Variants in DGKB observed in about 807,000 individuals in gnomAD.
DGKB encodes diacylglycerol kinase beta, also known as 90 kDa diacylglycerol kinase.
DGKB carries 67 observed loss-of-function variants against 114.3 expected under a neutral mutation model. The observed-to-expected ratio is 0.59, with a 90% CI of 0.48 to 0.72. The LOEUF is 0.72. Among genes scored for constraint, DGKB ranks in the 30% least tolerant of loss-of-function variants. The probability of loss-of-function intolerance (pLI) is 0.00; values close to 1 mark genes in which losing one functional copy is unlikely to be tolerated. For synonymous variants in DGKB, 398 were observed against 323.1 expected, an observed-to-expected ratio of 1.23 and a Z score of -2.49; for missense variants, 907 against 975.2, an observed-to-expected ratio of 0.93 and a Z score of 0.93.
chr7:14,666,557 G>T (rs1424507673), intron 13 of DGKB, among the ~76,000 whole-genome samples: 4 of 151,996 alleles, frequency 2.6e-5, no homozygotes, highest in Non-Finnish European at 5.9e-5. Context: ...TCTATTAAAG[G>T]CAGAACATCT....
chr7:14,676,965 C>G (rs1819974300), intron 12 of DGKB, among the ~76,000 whole-genome samples: 1 of 151,474 alleles, frequency 6.6e-6, no homozygotes, highest in Non-Finnish European at 1.5e-5. Flanking sequence ...CAGAAATTCC[C>G]ATTCATGTTA....
chr7:14,604,443 T>A (rs369377797), intron 17 of DGKB, among the ~76,000 whole-genome samples: 15 of 151,962 alleles, frequency 9.9e-5, no homozygotes, highest in Admixed American at 7.2e-4. Context: ...TCTGGTGTGG[T>A]AAAGAGGAAA....
At chr7:14,336,001 C>T (rs570075955) in intron 23 of DGKB, among the ~76,000 whole-genome samples, 1 of 152,238 alleles carries the variant, frequency 6.6e-6, no homozygotes, top group East Asian at 1.9e-4. Context: ...GCCTTGGCCT[C>T]CCAAAGTGTG....
At chr7:14,198,258 G>A (rs777306326) in intron 23 of DGKB, among the ~76,000 whole-genome samples, 1 of 152,070 alleles carries the variant, frequency 6.6e-6, no homozygotes, top group Non-Finnish European at 1.5e-5. Context: ...AAACTAAGGT[G>A]AGAAGAAAAA....
chr7:14,559,608 T>A (rs142644097), intron 20 of DGKB, among the ~76,000 whole-genome samples: 1 of 152,348 alleles, frequency 6.6e-6, no homozygotes, highest in African/African-American at 2.4e-5. Context: ...AAAACTCAAC[T>A]ACTATTGTCA....
At chr7:14,258,388 G>A (rs1411675598) in intron 23 of DGKB, among the ~76,000 whole-genome samples, 1 of 152,096 alleles carries the variant, frequency 6.6e-6, no homozygotes, top group East Asian at 1.9e-4. Context: ...TAAATAGTCT[G>A]GATTAAACAC....
chr7:14,686,111 A>C (rs751659250), intron 9 of DGKB, among the ~76,000 whole-genome samples: 35 of 152,250 alleles, frequency 2.3e-4, no homozygotes, highest in Non-Finnish European at 4.7e-4. Flanking sequence ...ATTTATAACA[A>C]TCACTATGGT....
intron 23 of DGKB, among the ~76,000 whole-genome samples, chr7:14,248,457 A>G (rs115979386): frequency 0.018 from 2,764 of 152,188 alleles, 74 homozygotes; most frequent in African/African-American, 0.063. Context: ...TGGACATTTT[A>G]ACAATATTAA....
intron 21 of DGKB, among the ~76,000 whole-genome samples, chr7:14,460,430 A>G (rs1000890727): frequency 7.7e-6 from 1 of 129,650 alleles, no homozygotes; most frequent in Admixed American, 7.5e-5. Flanking sequence ...GAAAGCAAAG[A>G]AAAAAAAAAC....
intron 15 of DGKB, among the ~76,000 whole-genome samples, chr7:14,614,929 T>G (rs1806242447): frequency 6.6e-6 from 1 of 152,102 alleles, no homozygotes; most frequent in Admixed American, 6.6e-5. Flanking sequence ...TGCAATCAAT[T>G]AATGTACATA....
At chr7:14,756,808 T>C (rs1326589699) in intron 3 of DGKB, among the ~76,000 whole-genome samples, 1 of 151,962 alleles carries the variant, frequency 6.6e-6, no homozygotes, top group East Asian at 1.9e-4. Flanking sequence ...TCTATCTAGT[T>C]AATACATCCT....
intron 21 of DGKB, among the ~76,000 whole-genome samples, chr7:14,447,650 G>A (rs1830908452): frequency 6.6e-6 from 1 of 151,946 alleles, no homozygotes; most frequent in Non-Finnish European, 1.5e-5. Flanking sequence ...CATCCTAAAA[G>A]TAGAGCTAGG....
chr7:14,460,429 G>GAAA (rs530874828), intron 21 of DGKB, among the ~76,000 whole-genome samples: 1 of 143,304 alleles, frequency 7.0e-6, no homozygotes, highest in African/African-American at 2.6e-5. Flanking sequence ...GGAAAGCAAA[G>GAAA]AAAAAAAAAA....
At chr7:14,719,458 T>C (rs1276100880) in intron 5 of DGKB, among the ~76,000 whole-genome samples, 2 of 55,096 alleles carry the variant, frequency 3.6e-5, no homozygotes, top group African/African-American at 8.1e-5. Flanking sequence ...TGAAGTCAGA[T>C]TGTGTGTATC....
At chr7:14,827,987 G>A (rs752882160) in intron 2 of DGKB, among the ~76,000 whole-genome samples, 1 of 152,076 alleles carries the variant, frequency 6.6e-6, no homozygotes, top group Non-Finnish European at 1.5e-5. Flanking sequence ...GGAAAATCTG[G>A]AGAAACTTGG....
At chr7:14,922,548 CA>C (rs1482183100) in intron 1 of DGKB, among the ~76,000 whole-genome samples, 1 of 151,786 alleles carries the variant, frequency 6.6e-6, no homozygotes, top group Non-Finnish European at 1.5e-5. Flanking sequence ...GAATTCTTTA[CA>C]AAAATGATAT....
At chr7:14,646,903 A>G (rs546889235) in intron 13 of DGKB, among the ~76,000 whole-genome samples, 1 of 152,042 alleles carries the variant, frequency 6.6e-6, no homozygotes, top group South Asian at 2.1e-4. Context: ...ACCTAACAAT[A>G]CACCTCAAGA....
intron 21 of DGKB, among the ~76,000 whole-genome samples, chr7:14,370,552 C>A (rs545196251): frequency 6.6e-6 from 1 of 152,066 alleles, no homozygotes; most frequent in African/African-American, 2.4e-5. Flanking sequence ...TCTTCCTATC[C>A]GTGAGCATGG....
At chr7:14,624,994 T>C (rs1808321948) in intron 14 of DGKB, among the ~76,000 whole-genome samples, 1 of 151,968 alleles carries the variant, frequency 6.6e-6, no homozygotes, top group African/African-American at 2.4e-5. Context: ...TGAGACTCTG[T>C]CTCAATAAAT....
Sources: allele counts gnomAD v4.1 joint callset (sites outside exome capture counted in the v4.1 genomes callset), GRCh38; gene constraint gnomAD v4.1.1; transcripts MANE v1.5; gene names NCBI Gene and HGNC (gene_info 2026-07-23, HGNC 2026-07-21).